Variants in AK5 observed in about 807,000 individuals in gnomAD.
The protein encoded by AK5 is adenylate kinase isoenzyme 5.
In AK5, 27 loss-of-function variants were observed where a neutral mutation model predicts 69.5. The ratio of observed to expected loss-of-function variants is 0.39; its 90% CI spans 0.29 to 0.54. AK5 has a LOEUF of 0.54. Among genes scored for constraint, AK5 ranks in the 20% least tolerant of loss-of-function variants. The pLI is 0.71. For synonymous variants in AK5, 260 were observed against 244.4 expected (o/e 1.06, Z -0.60); for missense variants, 531 against 700.4 (o/e 0.76, Z 2.73).
At chr1:77,537,750 G>A (rs1321548177) in intron 13 of AK5, among the ~76,000 whole-genome samples, 3 of 152,198 alleles carry the variant, frequency 2.0e-5, no homozygotes, top group Admixed American at 1.3e-4. Context: ...TTAATGGTCC[G>A]CTTTCCAGAA....
intron 8 of AK5, among the ~76,000 whole-genome samples, chr1:77,422,345 G>C (rs1294240884): frequency 6.6e-6 from 1 of 151,806 alleles, no homozygotes; most frequent in Non-Finnish European, 1.5e-5. Context: ...GGCATTCCAT[G>C]GCTTAAAACT....
chr1:77,448,651 C>T (rs1168861571), intron 8 of AK5, among the ~76,000 whole-genome samples: 1 of 152,240 alleles, frequency 6.6e-6, no homozygotes, highest in Non-Finnish European at 1.5e-5. Flanking sequence ...GAACCCATGG[C>T]AGGACTGAAA....
At chr1:77,441,620 G>A (rs1340671309) in intron 8 of AK5, among the ~76,000 whole-genome samples, 3 of 152,224 alleles carry the variant, frequency 2.0e-5, no homozygotes, top group Non-Finnish European at 2.9e-5. Flanking sequence ...CTTTGTGGTA[G>A]CTGTAGTGGC....
chr1:77,530,129 G>A lies in AK5; in HGVS notation c.1429-5718G>A, dbSNP rs574698150. Among the ~76,000 whole-genome samples the A allele has an allele frequency of 5.9e-5, 9 of 152,302 alleles. No homozygotes were observed. The East Asian group carries it at 1.7e-3, about 29-fold the overall frequency. ...GCACACATACACAAAGTTTGAGTCT[G>A]GCCAAGGGAATGTCCAGTTGGTGTG... is the stretch of plus-strand genomic sequence containing the variant. On this transcript the variant is annotated intron_variant, in intron 12 of 13. Transcript: ENST00000354567.
intron 12 of AK5, among the ~76,000 whole-genome samples, chr1:77,528,472 G>A (rs2647491): frequency 0.025 from 3,865 of 152,128 alleles, 126 homozygotes; most frequent in African/African-American, 0.089. Context: ...TGAGTTCTCC[G>A]AGATACAAGG....
chr1:77,339,057 G>GAA (rs34899933), intron 5 of AK5, among the ~76,000 whole-genome samples: 3 of 151,810 alleles, frequency 2.0e-5, no homozygotes, highest in African/African-American at 4.8e-5. Context: ...TGTGATATGG[G>GAA]AAAAAAATCA....
chr1:77,326,789 A>G (rs1660823957), intron 5 of AK5, among the ~76,000 whole-genome samples: 1 of 152,210 alleles, frequency 6.6e-6, no homozygotes, highest in South Asian at 2.1e-4. Flanking sequence ...AAGGAGAAAT[A>G]ACACTGTTAT....
At chr1:77,285,136 T>C (rs1165503236) in intron 1 of AK5, among the ~76,000 whole-genome samples, 1 of 152,232 alleles carries the variant, frequency 6.6e-6, no homozygotes, top group East Asian at 1.9e-4. Context: ...CTCTGAGCCA[T>C]GATTTCCTAA....
At chr1:77,358,929 AC>A (rs1646800224) in intron 6 of AK5, among the ~76,000 whole-genome samples, 1 of 151,788 alleles carries the variant, frequency 6.6e-6, no homozygotes, top group African/African-American at 2.4e-5. Context: ...TTGAACTAAA[AC>A]AAAAAAAAAA....
At chr1:77,542,124 C>T (rs909851710) in intron 13 of AK5, among the ~76,000 whole-genome samples, 2 of 152,052 alleles carry the variant, frequency 1.3e-5, no homozygotes, top group Admixed American at 6.6e-5. Context: ...GTCGGCAGTT[C>T]GAGACCAGCC....
chr1:77,343,527 T>C, intron 6 of AK5, among the ~76,000 whole-genome samples: 1 of 152,200 alleles, frequency 6.6e-6, no homozygotes, highest in East Asian at 1.9e-4. Flanking sequence ...TAGATGATAG[T>C]AATGCAGAGA....
chr1:77,451,569 C>CGTATAACGCTTT (rs1553152320), intron 8 of AK5, among the ~76,000 whole-genome samples: 1 of 152,110 alleles, frequency 6.6e-6, no homozygotes, highest in Non-Finnish European at 1.5e-5. Context: ...AGGACCAAAG[C>CGTATAACGCTTT]GTATAACGGA....
chr1:77,444,320 G>C (rs1159831681), intron 8 of AK5, among the ~76,000 whole-genome samples: 1 of 45,064 alleles, frequency 2.2e-5, no homozygotes, highest in Non-Finnish European at 4.2e-5. Flanking sequence ...CACAATATAT[G>C]TGTATATATA....
intron 8 of AK5, among the ~76,000 whole-genome samples, chr1:77,426,104 A>C (rs1651188617): frequency 6.6e-6 from 1 of 152,232 alleles, no homozygotes; most frequent in Non-Finnish European, 1.5e-5. Flanking sequence ...AAACAGTAAC[A>C]AATATGGTAT....
intron 12 of AK5, among the ~76,000 whole-genome samples, chr1:77,531,314 C>T (rs1658567444): frequency 6.6e-6 from 1 of 152,174 alleles, no homozygotes; most frequent in South Asian, 2.1e-4. Context: ...GGACGGGGAC[C>T]CCAGCGGGTT....
chr1:77,367,883 A>ATAACATATGTTATATAT (rs1553140089), intron 6 of AK5, among the ~76,000 whole-genome samples: 7 of 7,374 alleles, frequency 9.5e-4, no homozygotes, highest in East Asian at 8.8e-3. Flanking sequence ...ATATAATATA[A>ATAACATATGTTATATAT]AATATATGTG....
chr1:77,404,944 T>TA (rs1649517930), intron 6 of AK5, among the ~76,000 whole-genome samples: 1 of 152,178 alleles, frequency 6.6e-6, no homozygotes, highest in Non-Finnish European at 1.5e-5. Context: ...ATGCTGGAAA[T>TA]AAAAATATTC....
chr1:77,472,078 G>A (rs1654541290), intron 8 of AK5, among the ~76,000 whole-genome samples: 1 of 152,190 alleles, frequency 6.6e-6, no homozygotes, highest in African/African-American at 2.4e-5. Context: ...AAAGGATTTT[G>A]CAATTGTGCA....
intron 10 of AK5, among the ~76,000 whole-genome samples, chr1:77,494,944 G>A (rs925694416): frequency 6.6e-6 from 1 of 151,962 alleles, no homozygotes; most frequent in Non-Finnish European, 1.5e-5. Flanking sequence ...ACCACGCTCG[G>A]CTAATTTTTT....
Sources: allele counts gnomAD v4.1 joint callset (sites outside exome capture counted in the v4.1 genomes callset), GRCh38; gene constraint gnomAD v4.1.1; transcripts MANE v1.5; gene names NCBI Gene and HGNC (gene_info 2026-07-23, HGNC 2026-07-21).